HINT3: variants seen among roughly 807,000 people sequenced by gnomAD.
HINT3 encodes the protein adenosine 5'-monophosphoramidase HINT3.
Under a neutral mutation model 19.1 loss-of-function variants are expected in HINT3, and 16 were observed. That is an observed-to-expected ratio of 0.84 (90% CI 0.57 to 1.27). HINT3 has a LOEUF of 1.27. HINT3 is among the 50% of genes most tolerant of loss of function. The pLI, the probability that HINT3 is intolerant of heterozygous loss-of-function variation, is 0.00. For missense variants in HINT3, 197 were observed against 225.8 expected, an observed-to-expected ratio of 0.87 and a Z score of 0.82; for synonymous variants, 75 against 84.8, an observed-to-expected ratio of 0.88 and a Z score of 0.63.
In HINT3 at chr6:125,974,887, T is replaced by A. The variant is rs777764486; in HGVS notation, c.430T>A (p.Leu144Met). 6.2e-7 allele frequency: 1 copy of A among 1,613,902 alleles called. No individual in the cohort carries two copies. The highest frequency in any genetic ancestry group is 8.5e-7 in the Non-Finnish European group (1 of 1,179,914). ...GCCACCATTCTGTTCCATTTCCCAC[T>A]TGCACCTTCATGTTCTGGCACCAGT... ...HMPPFCSISH[L>M]HLHVLAPVDQ... Residue 144 changes from leucine to methionine, a missense_variant, in exon 4 of 5, where the codon TTG becomes ATG. Physicochemically the swap from Leu to Met is conservative, Grantham distance 15 (BLOSUM62 2). Coordinates refer to ENST00000229633, the MANE Select transcript of HINT3 (RefSeq NM_138571.5).
Position 125,977,668 on chromosome 6 carries a change from A to G in HINT3, c.541A>G (p.Arg181Gly). 6.6e-7 allele frequency: 1 copy of G among 1,520,916 alleles called. No homozygotes were observed. Among genetic ancestry groups the G allele is most frequent in the Non-Finnish European group, 8.9e-7 (1 of 1,118,856 alleles). The allele number at this position is 1,520,916 out of a possible 1,614,324, so 94.2% of individuals were successfully genotyped here. Residue 181 changes from arginine to glycine, a missense_variant, in exon 5 of 5, where the codon AGA (arginine) becomes GGA (glycine). Arg to Gly is a moderately radical substitution (Grantham distance 125). Transcript: ENST00000229633. Reference sequence around the variant, plus strand: ...GGCTGATCACTTGATTGAAAAACTAAGAACATGAAAATGTCAAGAGTGGAA... The same window carrying G: ...GGCTGATCACTTGATTGAAAAACTAGGAACATGAAAATGTCAAGAGTGGAA... The part of the protein sequence containing the change: ...ITADHLIEKL[R>G]T
At chr6:125,974,712 C>T (rs1315642252) in intron 3 of HINT3, 135 bp from the exon 4 acceptor site, 5 of 809,010 alleles carry the variant, frequency 6.2e-6, no homozygotes, top group African/African-American at 1.7e-5. Context: ...TAAAGAGAAA[C>T]ATTAATGAGA....
rs1372376950 is a variant in HINT3 at position 125,979,583 on chromosome 6, C to T, written c.*1907C>T. ...CCTGGCCAATATGGTGAAACCCCGTCTCTTCTAAAAAAATACAAAAATTAG... is the reference window on the plus strand; with the variant it reads ...CCTGGCCAATATGGTGAAACCCCGTTTCTTCTAAAAAAATACAAAAATTAG... On this transcript the variant is annotated 3_prime_UTR_variant, in exon 5 of 5. Coordinates refer to ENST00000229633, the MANE Select transcript of HINT3 (RefSeq NM_138571.5). The T allele has an allele frequency of 6.6e-6, 1 of 152,152 alleles. No individual in the cohort carries two copies. The highest frequency in any genetic ancestry group is 2.4e-5 in the African/African-American group (1 of 41,396). The allele number at this position is 152,152 out of a possible 1,614,324, so 9.4% of individuals were successfully genotyped here. A position where few individuals can be genotyped will look rare whatever the true frequency, so the allele number is the denominator to read the frequency against.
chr6:125,963,273 A>G (rs921006063), intron 1 of HINT3, among the ~76,000 whole-genome samples: 8 of 152,168 alleles, frequency 5.3e-5, no homozygotes, highest in African/African-American at 1.7e-4. Context: ...AGGTATTCAA[A>G]AGGGGGAGGG....
At chr6:125,964,737 T>TACACACAC (rs3083382) in intron 1 of HINT3, among the ~76,000 whole-genome samples, 18 of 148,436 alleles carry the variant, frequency 1.2e-4, no homozygotes, top group Non-Finnish European at 1.6e-4. Flanking sequence ...AATAGTTTTA[T>TACACACAC]ACACACACAC....
At chr6:125,977,620 A>T (rs1789197136) in intron 4 of HINT3, 24 bp from the exon 5 acceptor site, 3 of 1,308,230 alleles carry the variant, frequency 2.3e-6, no homozygotes, top group Non-Finnish European at 3.2e-6. Context: ...ATCTAGAATT[A>T]AAAAGTATGT....
At chr6:125,965,186 A>AG (rs1188841321) in intron 1 of HINT3, among the ~76,000 whole-genome samples, 1 of 152,196 alleles carries the variant, frequency 6.6e-6, no homozygotes, top group Non-Finnish European at 1.5e-5. Context: ...ATGAGACAGC[A>AG]GATTTTTAGG....
intron 3 of HINT3, among the ~76,000 whole-genome samples, chr6:125,974,181 A>G (rs1789148519): frequency 6.6e-6 from 1 of 152,180 alleles, no homozygotes; most frequent in African/African-American, 2.4e-5. Flanking sequence ...GCATAGGTGG[A>G]CTTGCAAAAA....
chr6:125,966,457 T>C (rs1045706413), intron 1 of HINT3, among the ~76,000 whole-genome samples: 1 of 152,200 alleles, frequency 6.6e-6, no homozygotes, highest in African/African-American at 2.4e-5. Flanking sequence ...GTGTTCTTTT[T>C]ATAATTGAGG....
Position 125,957,198 on chromosome 6 carries a change from C to G in HINT3, c.201+20C>G. The stretch of plus-strand genomic sequence containing the variant: ...TGCGAGGTGGGCGGCGACGCGCGGC[C>G]GGGGGTGGGTGAGGACCTGGCCGCC... On this transcript the variant is annotated intron_variant, in intron 1 of 4. Coordinates refer to ENST00000229633, the MANE Select transcript of HINT3 (RefSeq NM_138571.5). 6.5e-7 allele frequency: 1 copy of G among 1,537,700 alleles called. No individual in the cohort carries two copies. The highest frequency in any genetic ancestry group is 1.2e-5 in the South Asian group (1 of 83,686).
intron 1 of HINT3, among the ~76,000 whole-genome samples, chr6:125,964,775 C>T (rs1788993547): frequency 7.3e-6 from 1 of 137,572 alleles, no homozygotes; most frequent in Admixed American, 7.4e-5. Context: ...CACACACACA[C>T]AATCATTTCA....
At chr6:125,966,193 A>G (rs1789015331) in intron 1 of HINT3, among the ~76,000 whole-genome samples, 1 of 152,230 alleles carries the variant, frequency 6.6e-6, no homozygotes, top group South Asian at 2.1e-4. Flanking sequence ...CGAAATTCAA[A>G]TGTTAATAGG....
chr6:125,967,446 C>T (rs1789035353), intron 2 of HINT3, among the ~76,000 whole-genome samples: 1 of 151,382 alleles, frequency 6.6e-6, no homozygotes, highest in Non-Finnish European at 1.5e-5. Flanking sequence ...ATTCTCCTGC[C>T]TCAGCCTTCC....
At chr6:125,972,125 G>C (rs1224989368) in intron 2 of HINT3, 134 bp from the exon 3 acceptor site, 1 of 603,190 alleles carries the variant, frequency 1.7e-6, no homozygotes, top group African/African-American at 1.9e-5. Context: ...GGGATTACAG[G>C]GGTGAGCCAC....
intron 1 of HINT3, among the ~76,000 whole-genome samples, chr6:125,964,540 T>A (rs200648255): frequency 6.6e-6 from 1 of 152,270 alleles, no homozygotes; most frequent in East Asian, 1.9e-4. Flanking sequence ...TGCTGTTTTT[T>A]AAAAAAACTT....
chr6:125,974,944 T>A lies in HINT3; in HGVS notation c.487T>A (p.Tyr163Asn). The stretch of plus-strand genomic sequence containing the variant: ...GCTTGGCTTCTTATCCAAGTTGGTT[T>A]ATAGAGTCAATTCCTATTGGTTTAT... Reference protein sequence around the residue: ...DQLGFLSKLVYRVNSYWFITA... With the variant: ...DQLGFLSKLVNRVNSYWFITA... Residue 163 changes from tyrosine (Y) to asparagine (N), a missense_variant, in exon 4 of 5, where the codon TAT becomes AAT. Physicochemically the swap from Tyr to Asn is moderately radical, Grantham distance 143. Transcript: ENST00000229633. The A allele has an allele frequency of 6.2e-7, 1 of 1,614,050 alleles. No individual in the cohort carries two copies.
At chr6:125,967,473 A>G (rs2128711353) in intron 2 of HINT3, among the ~76,000 whole-genome samples, 1 of 151,988 alleles carries the variant, frequency 6.6e-6, no homozygotes, top group African/African-American at 2.4e-5. Flanking sequence ...CTGGGTTTAC[A>G]GGCATGCGCC....
chr6:125,965,080 T>G (rs1788999784), intron 1 of HINT3, among the ~76,000 whole-genome samples: 1 of 152,208 alleles, frequency 6.6e-6, no homozygotes, highest in Non-Finnish European at 1.5e-5. Context: ...AAATAAATTA[T>G]TGATATATGA....
intron 1 of HINT3, among the ~76,000 whole-genome samples, chr6:125,960,156 G>T (rs906439171): frequency 1.3e-5 from 2 of 152,202 alleles, no homozygotes; most frequent in Admixed American, 6.5e-5. Flanking sequence ...CTAGGAGAGA[G>T]AATTAGGGAA....
Sources: allele counts gnomAD v4.1 joint callset (sites outside exome capture counted in the v4.1 genomes callset), GRCh38; gene constraint gnomAD v4.1.1; transcripts MANE v1.5; gene names NCBI Gene and HGNC (gene_info 2026-07-23, HGNC 2026-07-21).